Variants in PSME3 observed in about 807,000 individuals in gnomAD.
PSME3 encodes the protein proteasome activator subunit 3.
Under a neutral mutation model 38.3 loss-of-function variants are expected in PSME3, and 7 were observed. The ratio of observed to expected loss-of-function variants is 0.18; its 90% CI spans 0.10 to 0.34. The LOEUF (loss-of-function observed/expected upper bound fraction) is 0.34. Among genes scored for constraint, PSME3 ranks in the 10% least tolerant of loss-of-function variants. The pLI is 1.00. For synonymous variants in PSME3, 108 were observed against 105.7 expected (o/e 1.02, Z -0.13); for missense variants, 192 against 307.6 (o/e 0.62, Z 2.81).
chr17:42,839,206 G>T (rs754292655), intron 9 of PSME3, 40 bp downstream of exon 9: 7 of 1,562,304 alleles, frequency 4.5e-6, no homozygotes, highest in Non-Finnish European at 6.2e-6. Flanking sequence ...GAGGTGGCAG[G>T]ATAGTGAAGA....
At position 42,842,948 on chromosome 17, in the gene PSME3, C is replaced by G. The variant is rs2055552850; in HGVS notation, c.*1370C>G. On this transcript the variant is annotated 3_prime_UTR_variant, in exon 11 of 11. Transcript: ENST00000590720. Reference sequence around the variant, plus strand: ...AATAATATTTCCACCGGGGATGCATCATTTTTACTCCCAATATTCTGTAGA... The same window carrying G: ...AATAATATTTCCACCGGGGATGCATGATTTTTACTCCCAATATTCTGTAGA... The G allele has an allele frequency of 6.5e-6, 1 of 152,740 alleles. No individual in the cohort carries two copies. Among genetic ancestry groups the G allele is most frequent in the Non-Finnish European group, 1.5e-5 (1 of 68,034 alleles). The allele number at this position is 152,740 out of a possible 1,614,324, so 9.5% of individuals were successfully genotyped here.
chr17:42,838,610 G>T, intron 6 of PSME3, 121 bp from the exon 7 acceptor site: 3 of 973,446 alleles, frequency 3.1e-6, no homozygotes, highest in Non-Finnish European at 4.8e-6. Context: ...GAGCCACCAT[G>T]CCTGGCCAGA....
intron 10 of PSME3, 28 bp from the exon 11 acceptor site, chr17:42,841,470 G>A: frequency 2.0e-6 from 3 of 1,480,592 alleles, no homozygotes; most frequent in Non-Finnish European, 1.9e-6. Flanking sequence ...GTACAGATAT[G>A]TGATTCCCCT....
At chr17:42,834,022 G>C in intron 1 of PSME3, 1 of 1,439,794 alleles carries the variant, frequency 6.9e-7, no homozygotes, top group Non-Finnish European at 9.1e-7. Context: ...ACTAGGTCTG[G>C]GTGGGGGTTG....
intron 10 of PSME3, among the ~76,000 whole-genome samples, chr17:42,841,132 C>CAAAAAAAA (rs35142424): frequency 1.6e-5 from 1 of 63,788 alleles, no homozygotes. Context: ...GACCGTGTCT[C>CAAAAAAAA]AAAAAAAAAA....
In PSME3 at chr17:42,837,714, C is replaced by T. The variant is rs770552411; in HGVS notation, c.292+17C>T. ...CCTTCCAAGGTAAGAGGCACCCTTA[C>T]CTCACCTCCCCTCACCCCATCCCTG... On this transcript the variant is annotated intron_variant, in intron 5 of 10. Coordinates refer to ENST00000590720, the MANE Select transcript of PSME3 (RefSeq NM_005789.4). 3 of 1,610,012 alleles carry T rather than the reference C, an allele frequency of 1.9e-6. No individual in the cohort carries two copies. Among genetic ancestry groups the T allele is most frequent in the African/African-American group, 1.3e-5 (1 of 74,918 alleles).
chr17:42,841,861 T>TA lies in PSME3; in HGVS notation c.*284dup, dbSNP rs2055538120. ...TGTGTGCAGGATGTTGGCACAAAAA[T>TA]ACCTGTGTTTTCATTCTCCCCCTCT... On this transcript the variant is annotated 3_prime_UTR_variant, in exon 11 of 11. Coordinates refer to ENST00000590720, the MANE Select transcript of PSME3 (RefSeq NM_005789.4). 3.6e-6 allele frequency: 1 copy of TA among 280,964 alleles called. No individual in the cohort carries two copies. The highest frequency in any genetic ancestry group is 6.6e-6 in the Non-Finnish European group (1 of 150,688). The allele number at this position is 280,964 out of a possible 1,614,324, so 17.4% of individuals were successfully genotyped here.
rs1439758247 is a variant in PSME3 at position 42,841,381 on chromosome 17, C to T, written c.685-117C>T. 5 of 508,858 alleles carry T rather than the reference C, an allele frequency of 9.8e-6. No individual in the cohort carries two copies. In the Admixed American group the frequency reaches 2.1e-4, roughly 21 times the overall value. 31.5% of individuals were successfully genotyped at this position (508,858 alleles called of 1,614,324 possible). On this transcript the variant is annotated intron_variant, in intron 10 of 10. Coordinates refer to ENST00000590720, the MANE Select transcript of PSME3 (RefSeq NM_005789.4). ...GCAGTTGCTAAGAACCTATTGATGA[C>T]ATTAAGGACTTACCGTATGCAGATG...
At position 42,841,873 on chromosome 17, in the gene PSME3, C is replaced by A. The variant is rs983235523; in HGVS notation, c.*295C>A. The A allele has an allele frequency of 3.9e-6, 1 of 255,838 alleles. No individual in the cohort carries two copies. Among genetic ancestry groups the A allele is most frequent in the Non-Finnish European group, 7.4e-6 (1 of 134,660 alleles). 15.8% of individuals were successfully genotyped at this position (255,838 alleles called of 1,614,324 possible). On this transcript the variant is annotated 3_prime_UTR_variant, in exon 11 of 11. Coordinates refer to ENST00000590720, the MANE Select transcript of PSME3 (RefSeq NM_005789.4). ...GTTGGCACAAAAATACCTGTGTTTT[C>A]ATTCTCCCCCTCTCTCCCTCCTGTG...
chr17:42,838,556 G>T, intron 6 of PSME3, 175 bp from the exon 7 acceptor site: 2 of 694,606 alleles, frequency 2.9e-6, no homozygotes, highest in Non-Finnish European at 4.9e-6. Context: ...GACCTCAGGT[G>T]ATCCACCCGC....
Position 42,834,232 on chromosome 17 carries a change from C to T in PSME3, c.43-112C>T, listed in dbSNP as rs749718255. On this transcript the variant is annotated intron_variant, in intron 1 of 10. Transcript: ENST00000590720. ...TAAAGTATTTGCAGTCTGGGGGCCT[C>T]TCAGCTTCTTATTACAGTTACAAGG... 1.9e-6 allele frequency: 3 copies of T among 1,586,660 alleles called. No homozygotes were observed. In the South Asian group the frequency reaches 3.4e-5, roughly 18 times the overall value.
Position 42,834,227 on chromosome 17 carries a change from G to T in PSME3, c.43-117G>T, listed in dbSNP as rs756662751. ...AAAAATAAAGTATTTGCAGTCTGGG[G>T]GCCTCTCAGCTTCTTATTACAGTTA... On this transcript the variant is annotated intron_variant, in intron 1 of 10. Transcript: ENST00000590720. The T allele has an allele frequency of 3.8e-6, 6 of 1,581,270 alleles. No homozygotes were observed. In the African/African-American group the frequency reaches 6.8e-5, roughly 18 times the overall value.
intron 4 of PSME3, 52 bp from the exon 5 acceptor site, chr17:42,837,597 T>G: frequency 1.7e-5 from 26 of 1,546,718 alleles, no homozygotes; most frequent in Non-Finnish European, 2.3e-5. Flanking sequence ...TATCTTGTGA[T>G]GGAGATGTGG....
chr17:42,840,984 T>A (rs1169919878), intron 10 of PSME3, among the ~76,000 whole-genome samples: 1 of 151,738 alleles, frequency 6.6e-6, no homozygotes, highest in African/African-American at 2.4e-5. Context: ...ATAAAAAAAA[T>A]TAGCCGGGTG....
rs758131605 is a variant in PSME3 at position 42,834,335 on chromosome 17, T to C, written c.43-9T>C. The stretch of plus-strand genomic sequence containing the variant: ...CCAGGTACTGAATTGCTCTCTTTGT[T>C]AATTTTAGGTTGATTCTTTCAGGGA... On this transcript the variant is annotated splice_polypyrimidine_tract_variant and intron_variant, in intron 1 of 10. Coordinates refer to ENST00000590720, the MANE Select transcript of PSME3 (RefSeq NM_005789.4). 5 of 1,614,144 alleles carry C rather than the reference T, an allele frequency of 3.1e-6. No individual in the cohort carries two copies. The South Asian group carries it at 5.5e-5, about 18-fold the overall frequency.
Position 42,842,906 on chromosome 17 carries a change from T to A in PSME3, c.*1328T>A, listed in dbSNP as rs2055552137. ...CTGTTTCTGACTTATTTTTCCTGTCTCTGTCTTCCAACCCCCAATAATATT... is the reference window on the plus strand; with the variant it reads ...CTGTTTCTGACTTATTTTTCCTGTCACTGTCTTCCAACCCCCAATAATATT... On this transcript the variant is annotated 3_prime_UTR_variant, in exon 11 of 11. Transcript: ENST00000590720. 1 of 152,780 alleles carries A rather than the reference T, an allele frequency of 6.5e-6. No homozygotes were observed. Among genetic ancestry groups the A allele is most frequent in the Non-Finnish European group, 1.5e-5 (1 of 68,038 alleles). The allele number at this position is 152,780 out of a possible 1,614,324, so 9.5% of individuals were successfully genotyped here.
At chr17:42,835,527 C>T (rs2055451607) in intron 4 of PSME3, among the ~76,000 whole-genome samples, 1 of 152,008 alleles carries the variant, frequency 6.6e-6, no homozygotes, top group African/African-American at 2.4e-5. Context: ...AGATCAAGAC[C>T]ATCCTGGCTA....
chr17:42,837,861 A>G, intron 5 of PSME3, 164 bp downstream of exon 5: 2 of 918,804 alleles, frequency 2.2e-6, no homozygotes, highest in Non-Finnish European at 1.7e-6. Flanking sequence ...TGAGTGCTCT[A>G]AACCTGGTTT....
chr17:42,840,045 G>C (rs1318262263), intron 10 of PSME3, among the ~76,000 whole-genome samples: 1 of 150,422 alleles, frequency 6.6e-6, no homozygotes, highest in East Asian at 1.9e-4. Context: ...GGGAGGCCAA[G>C]GTGGGTGGAT....
Sources: gnomAD v4.1 joint callset for allele counts (sites outside exome capture counted in the v4.1 genomes callset) on GRCh38, gnomAD v4.1.1 for gene constraint, MANE v1.5 for transcripts, NCBI Gene and HGNC (gene_info 2026-07-23, HGNC 2026-07-21) for gene names.